Variants in PPP3CA observed in about 807,000 individuals in gnomAD.
PPP3CA encodes CAM-PRP catalytic subunit.
A neutral mutation model predicts 66.5 loss-of-function variants in PPP3CA; 14 were observed. That is an observed-to-expected ratio of 0.21 (90% CI 0.14 to 0.33). The LOEUF is 0.33. PPP3CA is among the 10% of genes least tolerant of loss of function. PPP3CA has a pLI of 1.00. For missense variants in PPP3CA, 317 were observed against 639.5 expected, an observed-to-expected ratio of 0.50 and a Z score of 5.44; for synonymous variants, 232 against 226.2, an observed-to-expected ratio of 1.03 and a Z score of -0.23.
chr4:101,189,461 G>A (rs1724520093), intron 2 of PPP3CA, among the ~76,000 whole-genome samples: 1 of 151,878 alleles, frequency 6.6e-6, no homozygotes, highest in African/African-American at 2.4e-5. Flanking sequence ...TCATAAACCT[G>A]TAACATTAAC....
intron 12 of PPP3CA, among the ~76,000 whole-genome samples, chr4:101,032,006 C>A (rs1726988580): frequency 6.6e-6 from 1 of 152,196 alleles, no homozygotes; most frequent in East Asian, 1.9e-4. Flanking sequence ...AATGAGTTGT[C>A]CTGTAGCTAG....
At chr4:101,278,349 A>G (rs1727577295) in intron 1 of PPP3CA, among the ~76,000 whole-genome samples, 1 of 151,900 alleles carries the variant, frequency 6.6e-6, no homozygotes, top group Non-Finnish European at 1.5e-5. Flanking sequence ...ATTACCCCAA[A>G]TTTTGCCTCT....
intron 2 of PPP3CA, among the ~76,000 whole-genome samples, chr4:101,144,878 C>A (rs376243781): frequency 2.6e-5 from 4 of 152,082 alleles, no homozygotes; most frequent in African/African-American, 9.7e-5. Flanking sequence ...AGGTTTTGTG[C>A]TTTAGGCAGT....
intron 1 of PPP3CA, among the ~76,000 whole-genome samples, chr4:101,247,378 T>C (rs1726520222): frequency 6.6e-6 from 1 of 152,042 alleles, no homozygotes; most frequent in South Asian, 2.1e-4. Flanking sequence ...GCCAGGCTGG[T>C]CTCGAACTCC....
intron 2 of PPP3CA, among the ~76,000 whole-genome samples, chr4:101,164,562 GT>G (rs36078367): frequency 4.9e-5 from 7 of 142,190 alleles, no homozygotes; most frequent in African/African-American, 1.3e-4. Flanking sequence ...TGGGATTTAA[GT>G]TTTTTTTTTT....
intron 7 of PPP3CA, among the ~76,000 whole-genome samples, chr4:101,081,392 G>C (rs1390603098): frequency 6.6e-6 from 1 of 152,058 alleles, no homozygotes; most frequent in African/African-American, 2.4e-5. Context: ...TAATGAAACA[G>C]AACATGCACA....
In PPP3CA at chr4:101,347,048, GTGTGTGGT is replaced by G. The variant is rs1730033872; in HGVS notation, c.-260_-253del. 5.2e-6 allele frequency: 3 copies of G among 576,332 alleles called. No individual in the cohort carries two copies. The African/African-American group carries it at 6.0e-5, about 12-fold the overall frequency. 35.7% of individuals were successfully genotyped at this position (576,332 alleles called of 1,614,324 possible). A position where few individuals can be genotyped will look rare whatever the true frequency, so the allele number is the denominator to read the frequency against. On this transcript the variant is annotated 5_prime_UTR_variant, in exon 1 of 14. Transcript: ENST00000394854. ...CCCGCCGACTCGCTCCGGGCTGCGC[GTGTGTGGT>G]GGTTATTTATTTATTTTCTGAGCAC...
intron 1 of PPP3CA, among the ~76,000 whole-genome samples, chr4:101,204,169 C>A (rs1479959808): frequency 1.3e-5 from 2 of 152,050 alleles, no homozygotes; most frequent in African/African-American, 4.8e-5. Flanking sequence ...CCACACCTGA[C>A]TAATTTTTTT....
chr4:101,139,696 G>GTTTTTTTTTT (rs372257350), intron 2 of PPP3CA, among the ~76,000 whole-genome samples: 76 of 98,318 alleles, frequency 7.7e-4, no homozygotes, highest in East Asian at 1.0e-3. Flanking sequence ...TTTTTTTTGT[G>GTTTTTTTTTT]TTTTTTTTTT....
intron 2 of PPP3CA, among the ~76,000 whole-genome samples, chr4:101,130,080 G>T (rs796756323): frequency 1.8e-4 from 27 of 152,064 alleles, no homozygotes; most frequent in African/African-American, 6.5e-4. Context: ...CTGAAAAACA[G>T]AGCACGAGAA....
Position 101,258,461 on chromosome 4 carries a change from CT to C in PPP3CA, c.59-62346del, listed in dbSNP as rs202225262. Among the ~76,000 whole-genome samples the C allele has an allele frequency of 1.5e-3, 228 of 152,214 alleles. No individual in the cohort carries two copies. The East Asian group carries it at 0.04, about 27-fold the overall frequency. ...ATAACCTATATGTTCCCTCAAATCT[CT>C]CAATGTTTTAGACACTAACTTTCCA... On this transcript the variant is annotated intron_variant, in intron 1 of 13. Transcript: ENST00000394854.
intron 2 of PPP3CA, among the ~76,000 whole-genome samples, chr4:101,131,335 T>A (rs1722429217): frequency 6.6e-6 from 1 of 150,688 alleles, no homozygotes; most frequent in Non-Finnish European, 1.5e-5. Context: ...ATTGGTGTGC[T>A]GTATTCAGGA....
chr4:101,061,298 T>C (rs1234281086), intron 9 of PPP3CA, 137 bp from the exon 10 acceptor site: 70 of 698,436 alleles, frequency 1.0e-4, no homozygotes, highest in Admixed American at 2.7e-5. Flanking sequence ...TCAGTAAACA[T>C]CCAGATCATA....
intron 1 of PPP3CA, among the ~76,000 whole-genome samples, chr4:101,250,730 T>G (rs1252191237): frequency 1.3e-5 from 2 of 152,172 alleles, no homozygotes; most frequent in East Asian, 1.9e-4. Context: ...ATTCTATTCA[T>G]TAGCCTCAAT....
intron 3 of PPP3CA, among the ~76,000 whole-genome samples, chr4:101,105,064 C>A (rs1395129366): frequency 1.3e-5 from 2 of 151,980 alleles, no homozygotes; most frequent in Admixed American, 1.3e-4. Flanking sequence ...CAAAACATAG[C>A]AAATTTCATA....
intron 1 of PPP3CA, among the ~76,000 whole-genome samples, chr4:101,324,154 G>GA (rs1729131283): frequency 7.5e-5 from 5 of 66,484 alleles, no homozygotes; most frequent in African/African-American, 2.5e-4. Flanking sequence ...GGAAGGGAGG[G>GA]AGGAAGGAAG....
At chr4:101,343,603 GT>G (rs1440338359) in intron 1 of PPP3CA, among the ~76,000 whole-genome samples, 1 of 152,092 alleles carries the variant, frequency 6.6e-6, no homozygotes, top group Non-Finnish European at 1.5e-5. Flanking sequence ...ACTTTCCATT[GT>G]TTTAATCCAA....
chr4:101,243,183 A>C (rs564860220), intron 1 of PPP3CA, among the ~76,000 whole-genome samples: 29 of 152,264 alleles, frequency 1.9e-4, no homozygotes, highest in African/African-American at 7.0e-4. Flanking sequence ...CAGCTTCCTC[A>C]AACTGCCCAA....
intron 2 of PPP3CA, among the ~76,000 whole-genome samples, chr4:101,166,361 C>T (rs1239661361): frequency 6.6e-6 from 1 of 152,062 alleles, no homozygotes; most frequent in Non-Finnish European, 1.5e-5. Flanking sequence ...ACCGTTCCTC[C>T]AACCCAAAAA....
Sources: gnomAD v4.1 joint callset for allele counts (sites outside exome capture counted in the v4.1 genomes callset) on GRCh38, gnomAD v4.1.1 for gene constraint, MANE v1.5 for transcripts, NCBI Gene and HGNC (gene_info 2026-07-23, HGNC 2026-07-21) for gene names.